Variants in ADAMTSL4 observed in about 807,000 individuals in gnomAD.
The protein encoded by ADAMTSL4 is ADAMTS like 4.
Under a neutral mutation model 122.8 loss-of-function variants are expected in ADAMTSL4, and 97 were observed. The observed-to-expected ratio is 0.79, with a 90% CI of 0.67 to 0.93. ADAMTSL4 has a LOEUF of 0.93. ADAMTSL4 is among the 40% of genes least tolerant of loss of function. The pLI, the probability that ADAMTSL4 is intolerant of heterozygous loss-of-function variation, is 0.00. For missense variants in ADAMTSL4, 1,408 were observed against 1,453.5 expected, an observed-to-expected ratio of 0.97 and a Z score of 0.51; for synonymous variants, 592 against 568.0, an observed-to-expected ratio of 1.04 and a Z score of -0.60.
chr1:150,550,163 G>A, intron 2 of ADAMTSL4: 2 of 453,276 alleles, frequency 4.4e-6, no homozygotes, highest in South Asian at 3.1e-5. Flanking sequence ...GTGGCCAGGA[G>A]GAGCCCGCGT....
intron 14 of ADAMTSL4, 120 bp from the exon 15 acceptor site, chr1:150,558,353 G>C: frequency 6.4e-7 from 1 of 1,550,850 alleles, no homozygotes. Context: ...CTCAGCCCAC[G>C]AAGCCATGTG....
At chr1:150,555,711 GCACACACGCACACA>G (rs1229797220) in intron 8 of ADAMTSL4, 146 bp downstream of exon 8, 22 of 1,115,842 alleles carry the variant, frequency 2.0e-5, no homozygotes, top group South Asian at 4.3e-5. Context: ...ACAGACACAT[GCACACACGCACACA>G]CACACACGCA....
chr1:150,553,662 C>T lies in ADAMTSL4; in HGVS notation c.671C>T (p.Pro224Leu), dbSNP rs1165230559. The change falls in exon 6 of 19, where the codon CCA becomes CTA. Residue 224 changes from proline (P) to leucine (L), a missense_variant. Coordinates refer to ENST00000271643, the MANE Select transcript of ADAMTSL4 (RefSeq NM_019032.6). ...LPPTELSVHT[P>L]SPQAEPLSPE... ...CCCACAGAACTGTCTGTCCACACCC[C>T]ATCCCCCCAAGCAGAACCTCTAAGC... 3.1e-6 allele frequency: 5 copies of T among 1,613,700 alleles called. No homozygotes were observed. The highest frequency in any genetic ancestry group is 1.6e-4 in the Middle Eastern group (1 of 6,062).
rs1268904275 is a variant in ADAMTSL4 at position 150,557,960 on chromosome 1, G to A, written c.2193G>A (p.Glu731=). ...GTGCCTGCAGCTGGGAGGCTGGCGA[G>A]TGGACATCCTGCAGCCGCTCCTGTG... ...TPCPPYWEAG[E]WTSCSRSCGP... The change falls in exon 14 of 19, where the codon GAG becomes GAA. Residue 731 remains glutamate, a synonymous_variant. Coordinates refer to ENST00000271643, the MANE Select transcript of ADAMTSL4 (RefSeq NM_019032.6). 1.2e-6 allele frequency: 2 copies of A among 1,608,260 alleles called. No homozygotes were observed. Among genetic ancestry groups the A allele is most frequent in the African/African-American group, 1.3e-5 (1 of 74,886 alleles).
Position 150,552,898 on chromosome 1 carries a change from G to A in ADAMTSL4, c.79G>A (p.Val27Met), listed in dbSNP as rs1265446300. Reference protein sequence around the residue: ...SLPQLCLDQEVLSGHSLQTPT... With the variant: ...SLPQLCLDQEMLSGHSLQTPT... ...CTGTCTGACCTTTTTCTCTATATAG[G>A]TGTTGTCCGGACACTCTCTTCAGAC... is the stretch of plus-strand genomic sequence containing the variant. Residue 27 changes from valine (V) to methionine (M), a missense_variant and splice_region_variant, in exon 5 of 19, where the codon GTG becomes ATG. Physicochemically the swap from Val to Met is conservative, Grantham distance 21. Transcript: ENST00000271643. This position sits in a 1 kb window ranked among gnomAD's most constrained non-coding sequence, Gnocchi z 4.0. The A allele has an allele frequency of 6.2e-7, 1 of 1,612,106 alleles. No individual in the cohort carries two copies. The highest frequency in any genetic ancestry group is 8.5e-7 in the Non-Finnish European group (1 of 1,179,786).
intron 12 of ADAMTSL4, 42 bp from the exon 13 acceptor site, chr1:150,557,452 C>A: frequency 1.9e-6 from 3 of 1,612,504 alleles, no homozygotes; most frequent in Non-Finnish European, 2.5e-6. Context: ...TGAGCTTGGG[C>A]TCTAGCCTCC....
Position 150,557,536 on chromosome 1 carries a change from G to A in ADAMTSL4, c.2090G>A (p.Gly697Glu), listed in dbSNP as rs752452553. 4 of 1,612,158 alleles carry A rather than the reference G, an allele frequency of 2.5e-6. No homozygotes were observed. The highest frequency in any genetic ancestry group is 1.6e-4 in the Middle Eastern group (1 of 6,062). Reference sequence around the variant, plus strand: ...TTCCTCTGCATCTCCCGTGAGTCGGGAGAGGAACTGGATGAACGCAGCTGT... The same window carrying A: ...TTCCTCTGCATCTCCCGTGAGTCGGAAGAGGAACTGGATGAACGCAGCTGT... ...PIFLCISRESGEELDERSCAA... is the reference protein window; with the variant it reads ...PIFLCISRESEEELDERSCAA... The change falls in exon 13 of 19, where the codon GGA (glycine) becomes GAA (glutamate). Residue 697 changes from glycine (G) to glutamate (E), a missense_variant. Physicochemically the swap from Gly to Glu is moderately conservative, Grantham distance 98. Transcript: ENST00000271643.
Position 150,557,538 on chromosome 1 carries a change from G to A in ADAMTSL4, c.2092G>A (p.Glu698Lys). Residue 698 changes from glutamate to lysine, a missense_variant, in exon 13 of 19, where the codon GAG (glutamate) becomes AAG (lysine). Glu to Lys is a moderately conservative substitution (Grantham distance 56). Coordinates refer to ENST00000271643, the MANE Select transcript of ADAMTSL4 (RefSeq NM_019032.6). ...CCTCTGCATCTCCCGTGAGTCGGGA[G>A]AGGAACTGGATGAACGCAGCTGTGC... Reference protein sequence around the residue: ...IFLCISRESGEELDERSCAAG... With the variant: ...IFLCISRESGKELDERSCAAG... 3.7e-6 allele frequency: 6 copies of A among 1,612,054 alleles called. No homozygotes were observed. Among genetic ancestry groups the A allele is most frequent in the Non-Finnish European group, 5.1e-6 (6 of 1,179,504 alleles).
In ADAMTSL4 at chr1:150,557,896, A is replaced by G. The variant is rs370475061; in HGVS notation, c.2178-49A>G. ...ATCTCTGCTGCCACGGCAGCCCCAC[A>G]CATCTCATCTATGTCTCCGCCTCTT... On this transcript the variant is annotated intron_variant, in intron 13 of 18. Coordinates refer to ENST00000271643, the MANE Select transcript of ADAMTSL4 (RefSeq NM_019032.6). 2.8e-4 allele frequency: 442 copies of G among 1,576,552 alleles called. 6 individuals are homozygous for G. Among genetic ancestry groups the G allele is most frequent in the Middle Eastern group, 2.2e-3 (10 of 4,542 alleles).
rs934411547 is a variant in ADAMTSL4 at position 150,558,605 on chromosome 1, G to A, written c.2515G>A (p.Gly839Arg). Reference sequence around the variant, plus strand: ...CCCCAGCAGAGAGGCCTGTGACATGGGGCCCTGTACTACTGCCTGGTTCCA... The same window carrying A: ...CCCCAGCAGAGAGGCCTGTGACATGAGGCCCTGTACTACTGCCTGGTTCCA... ...QPPSREACDM[G>R]PCTTAWFHSD... Residue 839 changes from glycine to arginine, a missense_variant, in exon 15 of 19, where the codon GGG becomes AGG. By Grantham distance (125) the Gly-to-Arg change is moderately radical. Transcript: ENST00000271643. 18 of 1,613,866 alleles carry A rather than the reference G, an allele frequency of 1.1e-5. No individual in the cohort carries two copies. The highest frequency in any genetic ancestry group is 1.1e-4 in the African/African-American group (8 of 75,042).
intron 12 of ADAMTSL4, 59 bp downstream of exon 12, chr1:150,557,394 G>A (rs931911322): frequency 1.2e-4 from 193 of 1,602,166 alleles, no homozygotes; most frequent in South Asian, 2.3e-4. Flanking sequence ...TGACACTCCC[G>A]CATCCTGGAT....
In ADAMTSL4 at chr1:150,559,978, A is replaced by T; in HGVS notation, c.3088+73A>T. The T allele has an allele frequency of 6.2e-7, 1 of 1,613,916 alleles. No individual in the cohort carries two copies. Among genetic ancestry groups the T allele is most frequent in the Non-Finnish European group, 8.5e-7 (1 of 1,180,010 alleles). ...GTATGGGAGGAGATGAGAAAGGACCAGTGGGAATGGGCAGCACACCCATTC... is the reference window on the plus strand; with the variant it reads ...GTATGGGAGGAGATGAGAAAGGACCTGTGGGAATGGGCAGCACACCCATTC... On this transcript the variant is annotated intron_variant, in intron 18 of 18. Coordinates refer to ENST00000271643, the MANE Select transcript of ADAMTSL4 (RefSeq NM_019032.6). The surrounding 1 kb of genome is among the most constrained non-coding windows in gnomAD (Gnocchi z 4.1).
At chr1:150,551,298 G>A (rs587773382) in intron 2 of ADAMTSL4, 2 of 340,362 alleles carry the variant, frequency 5.9e-6, no homozygotes, top group Admixed American at 3.9e-5. Context: ...CAGAGTGGGT[G>A]TTACATTGCC....
chr1:150,558,899 C>G (rs1672495830), intron 15 of ADAMTSL4, 63 bp from the exon 16 acceptor site: 1 of 1,548,480 alleles, frequency 6.5e-7, no homozygotes, highest in African/African-American at 1.4e-5. Context: ...TCCCTGCCCC[C>G]CTACTGTCCC....
At chr1:150,558,219 C>T (rs1672403897) in intron 14 of ADAMTSL4, 70 bp downstream of exon 14, 1 of 1,598,984 alleles carries the variant, frequency 6.3e-7, no homozygotes, top group South Asian at 1.1e-5. Flanking sequence ...AGTGGTTTTT[C>T]AACTTCTTTT....
intron 13 of ADAMTSL4, 24 bp downstream of exon 13, chr1:150,557,647 G>A: frequency 6.3e-7 from 1 of 1,592,716 alleles, no homozygotes; most frequent in Non-Finnish European, 8.5e-7. Flanking sequence ...AGCCCACGGG[G>A]AGGGTTAGGG....
rs1354051633 is a variant in ADAMTSL4, at chr1:150,549,921, C to T, written c.-85+26C>T. The T allele has an allele frequency of 4.1e-6, 1 of 244,086 alleles. No individual in the cohort carries two copies. The highest frequency in any genetic ancestry group is 8.4e-6 in the Non-Finnish European group (1 of 118,594). The allele number at this position is 244,086 out of a possible 1,614,324, so 15.1% of individuals were successfully genotyped here. Reference sequence around the variant, plus strand: ...GTGGGTGCCCTTGATCCAGCTCAGCCCGATGGCAGAAGAGGTTGACAAAAA... The same window carrying T: ...GTGGGTGCCCTTGATCCAGCTCAGCTCGATGGCAGAAGAGGTTGACAAAAA... On this transcript the variant is annotated intron_variant, in intron 2 of 18. Transcript: ENST00000271643. The surrounding 1 kb of genome is among the most constrained non-coding windows in gnomAD (Gnocchi z 5.0).
At position 150,558,944 on chromosome 1, in the gene ADAMTSL4, C is replaced by A; in HGVS notation, c.2560-18C>A. ...TCACCAGCAGGCCCCTCACACAGGC[C>A]GCTCTCCTCCTCCGCAGTGCTCAGC... On this transcript the variant is annotated intron_variant, in intron 15 of 18. Coordinates refer to ENST00000271643, the MANE Select transcript of ADAMTSL4 (RefSeq NM_019032.6). 6.3e-7 allele frequency: 1 copy of A among 1,590,980 alleles called. No homozygotes were observed. The highest frequency in any genetic ancestry group is 8.5e-7 in the Non-Finnish European group (1 of 1,171,490).
chr1:150,552,809 C>T lies in ADAMTSL4; in HGVS notation c.79-89C>T. On this transcript the variant is annotated intron_variant, in intron 4 of 18. Transcript: ENST00000271643. This position sits in a 1 kb window ranked among gnomAD's most constrained non-coding sequence, Gnocchi z 4.0. ...GAATGTGACCTTGGACTGGTAGCGA[C>T]TCCGTGAGCCTCAGTGTTGGTCTAC... 7 of 1,419,694 alleles carry T rather than the reference C, an allele frequency of 4.9e-6. No homozygotes were observed. In the South Asian group the frequency reaches 5.7e-5, roughly 12 times the overall value. The allele number at this position is 1,419,694 out of a possible 1,614,324, so 87.9% of individuals were successfully genotyped here.
Sources: allele counts gnomAD v4.1 joint callset, GRCh38; gene constraint gnomAD v4.1.1; non-coding constraint Gnocchi (gnomAD v3.1); transcripts MANE v1.5; gene names NCBI Gene and HGNC (gene_info 2026-07-23, HGNC 2026-07-21).